The following ZHX2 variants were observed in gnomAD, a reference collection of about 807,000 sequenced individuals.
ZHX2 encodes the protein zinc fingers and homeoboxes 2.
A neutral mutation model predicts 21.9 loss-of-function variants in ZHX2; 6 were observed. The ratio of observed to expected loss-of-function variants is 0.27; its 90% confidence interval spans 0.15 to 0.54. The LOEUF (loss-of-function observed/expected upper bound fraction) is 0.54, where lower values mean the gene tolerates loss of function less well. Ranked by LOEUF, ZHX2 falls within the 20% of genes least tolerant of loss-of-function variation. The pLI is 0.95. For synonymous variants in ZHX2, 434 were observed against 437.1 expected, an observed-to-expected ratio of 0.99 and a Z score of 0.09; for missense variants, 908 against 1,090.7, an observed-to-expected ratio of 0.83 and a Z score of 2.36.
chr8:122,920,595 A>T lies in ZHX2; in HGVS notation c.-219-30697A>T, dbSNP rs188566784. 3.4e-4 allele frequency among the ~76,000 whole-genome samples: 51 copies of T among 152,188 alleles called. 1 individual carries two copies. The highest frequency in any genetic ancestry group is 1.1e-3 in the African/African-American group (46 of 41,522). On this transcript the variant is annotated intron_variant, in intron 2 of 3. Transcript: ENST00000314393. ...CCTTCTCTGGATGACACATAAATGG[A>T]CTCATGCGGTGTGGTGTAGCTTCAG...
intron 2 of ZHX2, among the ~76,000 whole-genome samples, chr8:122,926,100 T>A (rs1042864631): frequency 2.6e-5 from 4 of 152,298 alleles, no homozygotes; most frequent in African/African-American, 9.6e-5. Context: ...TCCTGGGAAG[T>A]GGCCAGCCTG....
chr8:122,883,414 G>C (rs552093792), intron 2 of ZHX2, among the ~76,000 whole-genome samples: 50 of 152,272 alleles, frequency 3.3e-4, no homozygotes, highest in African/African-American at 1.2e-3. Context: ...GAAAACAAAG[G>C]CTGCAAATGC....
chr8:122,964,013 C>T (rs957473001), intron 3 of ZHX2, among the ~76,000 whole-genome samples: 1 of 152,084 alleles, frequency 6.6e-6, no homozygotes, highest in Non-Finnish European at 1.5e-5. Flanking sequence ...TATTCTGAAA[C>T]ACTGAATTCA....
chr8:122,846,229 G>A (rs900856507), intron 1 of ZHX2, among the ~76,000 whole-genome samples: 4 of 152,224 alleles, frequency 2.6e-5, no homozygotes, highest in Non-Finnish European at 5.9e-5. Flanking sequence ...AGGTTGTGGG[G>A]AGGGGAGTTA....
intron 2 of ZHX2, among the ~76,000 whole-genome samples, chr8:122,947,020 CAG>C (rs1812991288): frequency 1.5e-5 from 2 of 136,292 alleles, no homozygotes. Context: ...CTTTGGGAGA[CAG>C]AGGCAAGTGG....
chr8:122,813,030 T>TA (rs1256249437), intron 1 of ZHX2, among the ~76,000 whole-genome samples: 1 of 152,064 alleles, frequency 6.6e-6, no homozygotes, highest in East Asian at 1.9e-4. Flanking sequence ...ACCCCATCTC[T>TA]ACTAAAAATA....
intron 1 of ZHX2, among the ~76,000 whole-genome samples, chr8:122,790,454 C>G (rs1335277623): frequency 1.3e-5 from 2 of 152,188 alleles, no homozygotes; most frequent in African/African-American, 4.8e-5. Context: ...AATACTCCTG[C>G]CTTCAGGAAG....
chr8:122,894,460 T>A (rs1363651892), intron 2 of ZHX2, among the ~76,000 whole-genome samples: 3 of 152,276 alleles, frequency 2.0e-5, no homozygotes, highest in African/African-American at 4.8e-5. Context: ...CTTTGTCATT[T>A]AAAAAAATCC....
intron 3 of ZHX2, among the ~76,000 whole-genome samples, chr8:122,970,097 G>A (rs752081556): frequency 1.3e-5 from 2 of 152,050 alleles, no homozygotes; most frequent in Non-Finnish European, 2.9e-5. Context: ...ATGCCTGTCC[G>A]ATGGCCTTGC....
At chr8:122,903,901 T>A (rs2129956286) in intron 2 of ZHX2, among the ~76,000 whole-genome samples, 1 of 152,034 alleles carries the variant, frequency 6.6e-6, no homozygotes, top group Non-Finnish European at 1.5e-5. Context: ...TCCAAGAAAA[T>A]GGAGTAAACA....
In ZHX2 at chr8:122,939,887, A is replaced by C. The variant is rs115151159; in HGVS notation, c.-219-11405A>C. ...GTCTGATGGGGAGGAGGGGTGGAGC[A>C]GTCCTTCTGAACATCAGTTTGCCAA... On this transcript the variant is annotated intron_variant, in intron 2 of 3. Transcript: ENST00000314393. 5.2e-3 allele frequency among the ~76,000 whole-genome samples: 799 copies of C among 152,294 alleles called. 4 individuals are homozygous for C. Among genetic ancestry groups the C allele is most frequent in the African/African-American group, 0.018 (754 of 41,560 alleles).
At chr8:122,854,800 C>T (rs1818990357) in intron 1 of ZHX2, among the ~76,000 whole-genome samples, 1 of 152,170 alleles carries the variant, frequency 6.6e-6, no homozygotes, top group African/African-American at 2.4e-5. Context: ...GAGACATCAT[C>T]TTAATAAGCC....
At chr8:122,921,652 G>A (rs1039281290) in intron 2 of ZHX2, among the ~76,000 whole-genome samples, 6 of 143,952 alleles carry the variant, frequency 4.2e-5, no homozygotes, top group Non-Finnish European at 7.6e-5. Context: ...TCAAGAAAGA[G>A]AGAGAGAGAG....
chr8:122,909,669 G>T (rs1820430874), intron 2 of ZHX2, among the ~76,000 whole-genome samples: 1 of 151,984 alleles, frequency 6.6e-6, no homozygotes, highest in Admixed American at 6.5e-5. Context: ...AGGTGCCAGG[G>T]CGTGGTATTC....
At chr8:122,788,287 A>G (rs528682177) in intron 1 of ZHX2, among the ~76,000 whole-genome samples, 1 of 152,328 alleles carries the variant, frequency 6.6e-6, no homozygotes, top group African/African-American at 2.4e-5. Context: ...GGCTAGCTTG[A>G]TGGCTCACGC....
chr8:122,971,628 A>AAAAAAG (rs1813727553), intron 3 of ZHX2, among the ~76,000 whole-genome samples: 1 of 151,268 alleles, frequency 6.6e-6, no homozygotes, highest in Admixed American at 6.6e-5. Context: ...AAAAAAAAAA[A>AAAAAAG]AAAATTCCTT....
At chr8:122,948,804 C>T (rs139078153) in intron 2 of ZHX2, among the ~76,000 whole-genome samples, 24 of 151,964 alleles carry the variant, frequency 1.6e-4, no homozygotes, top group African/African-American at 5.8e-4. Context: ...ACAGCTTAAC[C>T]CAAGATAAAT....
rs144945173 is a variant in ZHX2 at position 122,901,802 on chromosome 8, T to C, written c.-220+38263T>C. 7.0e-3 allele frequency among the ~76,000 whole-genome samples: 1,067 copies of C among 152,294 alleles called. 4 individuals are homozygous for C. Among genetic ancestry groups the C allele is most frequent in the Middle Eastern group, 0.041 (12 of 294 alleles). The stretch of plus-strand genomic sequence containing the variant: ...TAGCACTCATATCCCAACCCCCATC[T>C]TGTGACAATCAAAAATATCTCCAGA... On this transcript the variant is annotated intron_variant, in intron 2 of 3. Coordinates refer to ENST00000314393, the MANE Select transcript of ZHX2 (RefSeq NM_014943.5).
chr8:122,923,183 G>A (rs1377188052), intron 2 of ZHX2, among the ~76,000 whole-genome samples: 1 of 152,270 alleles, frequency 6.6e-6, no homozygotes, highest in African/African-American at 2.4e-5. Context: ...ACCAGGAGTT[G>A]CAGACAGAAG....
Sources: gnomAD v4.1 joint callset for allele counts (sites outside exome capture counted in the v4.1 genomes callset) on GRCh38, gnomAD v4.1.1 for gene constraint, MANE v1.5 for transcripts, NCBI Gene and HGNC (gene_info 2026-07-23, HGNC 2026-07-21) for gene names.